PBX3: variants seen among roughly 807,000 people sequenced by gnomAD.
The protein encoded by PBX3 is PBX homeobox 3, also known as pre-B-cell leukemia transcription factor 3.
Under a neutral mutation model 48.5 loss-of-function variants are expected in PBX3, and 14 were observed. The ratio of observed to expected loss-of-function variants is 0.29; its 90% CI spans 0.19 to 0.45. The LOEUF (loss-of-function observed/expected upper bound fraction) is 0.45, where lower values mean the gene tolerates loss of function less well. Among genes scored for constraint, PBX3 ranks in the 20% least tolerant of loss-of-function variants. PBX3 has a pLI of 1.00. For synonymous variants in PBX3, 210 were observed against 200.3 expected (o/e 1.05, Z -0.41); for missense variants, 386 against 546.7 (o/e 0.71, Z 2.93).
intron 2 of PBX3, among the ~76,000 whole-genome samples, chr9:125,894,234 A>G (rs1311408856): frequency 6.6e-6 from 1 of 152,188 alleles, no homozygotes; most frequent in Non-Finnish European, 1.5e-5. Context: ...AGGTGGGACA[A>G]CTGTGTGAGC....
intron 5 of PBX3, among the ~76,000 whole-genome samples, chr9:125,957,156 T>C (rs1842327489): frequency 6.6e-6 from 1 of 152,240 alleles, no homozygotes; most frequent in African/African-American, 2.4e-5. Flanking sequence ...TATTTTAATT[T>C]GAGAAATAGT....
At chr9:125,936,870 A>G (rs972725194) in intron 5 of PBX3, among the ~76,000 whole-genome samples, 4 of 152,202 alleles carry the variant, frequency 2.6e-5, no homozygotes, top group East Asian at 1.9e-4. Flanking sequence ...TCACTTCCAT[A>G]TGAAATATGG....
chr9:125,845,625 T>C (rs772507837), intron 2 of PBX3, among the ~76,000 whole-genome samples: 2 of 152,004 alleles, frequency 1.3e-5, no homozygotes, highest in Non-Finnish European at 2.9e-5. Context: ...AAATGTGAAA[T>C]TGAACAGCAA....
At chr9:125,852,652 A>C (rs1425106765) in intron 2 of PBX3, among the ~76,000 whole-genome samples, 2 of 152,172 alleles carry the variant, frequency 1.3e-5, no homozygotes, top group Admixed American at 6.5e-5. Flanking sequence ...CAATCTCTGG[A>C]AACATTGAAG....
intron 5 of PBX3, among the ~76,000 whole-genome samples, chr9:125,943,147 G>A (rs1010325010): frequency 5.9e-5 from 9 of 151,714 alleles, no homozygotes; most frequent in African/African-American, 2.2e-4. Context: ...CGGGTGGATC[G>A]CCTGAGCTCA....
intron 5 of PBX3, among the ~76,000 whole-genome samples, chr9:125,951,720 C>T (rs1842199741): frequency 6.6e-6 from 1 of 152,154 alleles, no homozygotes; most frequent in African/African-American, 2.4e-5. Context: ...AAAGGAGAAC[C>T]TTAGATGGCA....
chr9:125,789,693 T>C (rs1329201289), intron 2 of PBX3, among the ~76,000 whole-genome samples: 16 of 152,150 alleles, frequency 1.1e-4, no homozygotes, highest in Non-Finnish European at 4.4e-5. Flanking sequence ...GGCTACTACA[T>C]AGGGTGTGAA....
chr9:125,761,119 C>T lies in PBX3; in HGVS notation c.274+12496C>T, dbSNP rs183690218. Among the ~76,000 whole-genome samples the T allele has an allele frequency of 1.5e-3, 222 of 152,100 alleles. 7 individuals are homozygous for T. The highest frequency in any genetic ancestry group is 0.011 in the Admixed American group (169 of 15,288). ...AGATGCAAATGTAACTGGATATTTA[C>T]CATTAATGAAGTGCAACATAAATAT... On this transcript the variant is annotated intron_variant, in intron 2 of 8. Transcript: ENST00000373489.
intron 2 of PBX3, among the ~76,000 whole-genome samples, chr9:125,818,048 A>G (rs1219992763): frequency 6.6e-6 from 1 of 152,030 alleles, no homozygotes; most frequent in African/African-American, 2.4e-5. Flanking sequence ...TGAAAATGCA[A>G]AATTAGCTAG....
intron 2 of PBX3, among the ~76,000 whole-genome samples, chr9:125,840,546 A>T (rs1238531838): frequency 6.6e-6 from 1 of 151,180 alleles, no homozygotes; most frequent in African/African-American, 2.4e-5. Flanking sequence ...CTCTGAGTGA[A>T]TTTTTCTCTC....
Position 125,916,573 on chromosome 9 carries a change from G to A in PBX3, c.516+646G>A, listed in dbSNP as rs115410545. ...ATTATATTAACCATACTGAATCTCA[G>A]ATAACTTTAAGTTGCATCTTTATGT... On this transcript the variant is annotated intron_variant, in intron 3 of 8. Coordinates refer to ENST00000373489, the MANE Select transcript of PBX3 (RefSeq NM_006195.6). Among the ~76,000 whole-genome samples the A allele has an allele frequency of 1.9e-3, 284 of 152,256 alleles. 4 individuals carry two copies. The highest frequency in any genetic ancestry group is 6.5e-3 in the African/African-American group (269 of 41,550).
intron 2 of PBX3, among the ~76,000 whole-genome samples, chr9:125,836,301 C>T (rs371851051): frequency 1.3e-5 from 2 of 152,090 alleles, no homozygotes; most frequent in Non-Finnish European, 2.9e-5. Flanking sequence ...AAAAATTAGC[C>T]GGGCGTGGTA....
chr9:125,849,342 A>G (rs1398208834), intron 2 of PBX3, among the ~76,000 whole-genome samples: 1 of 151,820 alleles, frequency 6.6e-6, no homozygotes, highest in Non-Finnish European at 1.5e-5. Flanking sequence ...GAATGAAAGG[A>G]TATCAGGGTG....
chr9:125,806,569 A>G (rs1838131492), intron 2 of PBX3, among the ~76,000 whole-genome samples: 1 of 152,150 alleles, frequency 6.6e-6, no homozygotes, highest in Admixed American at 6.6e-5. Flanking sequence ...GCACTCAACC[A>G]TTTGTGATGG....
At chr9:125,862,620 C>T (rs763713979) in intron 2 of PBX3, among the ~76,000 whole-genome samples, 9 of 152,008 alleles carry the variant, frequency 5.9e-5, no homozygotes, top group Non-Finnish European at 1.2e-4. Context: ...CTCCTGACCT[C>T]GTGATCAGCC....
At chr9:125,900,811 A>C (rs904676637) in intron 2 of PBX3, among the ~76,000 whole-genome samples, 6 of 151,900 alleles carry the variant, frequency 3.9e-5, no homozygotes, top group African/African-American at 1.4e-4. Context: ...ATAACTGACC[A>C]TTGTTTTCAG....
chr9:125,771,799 G>A (rs1185253115), intron 2 of PBX3, among the ~76,000 whole-genome samples: 1 of 152,048 alleles, frequency 6.6e-6, no homozygotes, highest in African/African-American at 2.4e-5. Context: ...TTAAGGCTGT[G>A]TTAGCATTGT....
At chr9:125,772,079 GC>G (rs766223828) in intron 2 of PBX3, among the ~76,000 whole-genome samples, 1 of 152,160 alleles carries the variant, frequency 6.6e-6, no homozygotes, top group Non-Finnish European at 1.5e-5. Flanking sequence ...AGCATGTACT[GC>G]CTAATTCAAA....
At chr9:125,918,684 T>G (rs569957104) in intron 3 of PBX3, among the ~76,000 whole-genome samples, 3 of 152,222 alleles carry the variant, frequency 2.0e-5, no homozygotes, top group Non-Finnish European at 4.4e-5. Context: ...AATTTTAATT[T>G]ACACATTTTC....
Sources: allele counts gnomAD v4.1 joint callset (sites outside exome capture counted in the v4.1 genomes callset), GRCh38; gene constraint gnomAD v4.1.1; transcripts MANE v1.5; gene names NCBI Gene and HGNC (gene_info 2026-07-23, HGNC 2026-07-21).